PINX1: variants seen among roughly 807,000 people sequenced by gnomAD.
PINX1 encodes PIN2/TERF1-interacting telomerase inhibitor 1.
A neutral mutation model predicts 25.4 loss-of-function variants in PINX1; 34 were observed. That is an observed-to-expected ratio of 1.34 (90% CI 1.02 to 1.78). The LOEUF (loss-of-function observed/expected upper bound fraction) is 1.78, where lower values mean the gene tolerates loss of function less well. Among genes scored for constraint, PINX1 ranks in the 40% most tolerant of loss-of-function variants. PINX1 has a pLI of 0.00. For missense variants in PINX1, 592 were observed against 404.9 expected (o/e 1.46, Z -3.97); for synonymous variants, 197 against 147.7 (o/e 1.33, Z -2.42).
At chr8:10,826,127 C>A in intron 5 of PINX1, 25 bp downstream of exon 5, 3 of 1,287,738 alleles carry the variant, frequency 2.3e-6, no homozygotes, top group Non-Finnish European at 3.3e-6. Flanking sequence ...ATTTCAATAA[C>A]AAGTAAAGAA....
At chr8:10,805,737 T>G (rs111323079) in intron 6 of PINX1, among the ~76,000 whole-genome samples, 10 of 72,766 alleles carry the variant, frequency 1.4e-4, no homozygotes, top group East Asian at 4.3e-4. Context: ...TAGCGCTGAG[T>G]GGGTGACGGA....
At chr8:10,826,851 G>C (rs1018326750) in intron 4 of PINX1, among the ~76,000 whole-genome samples, 3 of 152,270 alleles carry the variant, frequency 2.0e-5, no homozygotes, top group Admixed American at 2.0e-4. Context: ...TGAAGGTACA[G>C]TGGGTACAAA....
chr8:10,838,015 G>A (rs536850593), intron 1 of PINX1, among the ~76,000 whole-genome samples: 1 of 152,314 alleles, frequency 6.6e-6, no homozygotes, highest in African/African-American at 2.4e-5. Context: ...TTCAATCACA[G>A]GCAGCCATCT....
At chr8:10,826,314 AT>A in intron 4 of PINX1, 70 bp from the exon 5 acceptor site, 2 of 812,186 alleles carry the variant, frequency 2.5e-6, no homozygotes, top group Middle Eastern at 3.4e-4. Flanking sequence ...CTAACAGTGG[AT>A]AGTCTTGAAA....
intron 2 of PINX1, chr8:10,833,721 G>A (rs111301070): frequency 1.3e-5 from 2 of 155,450 alleles, no homozygotes; most frequent in Admixed American, 6.8e-5. Context: ...ACTGGGGTGC[G>A]GGAGGCTGGA....
chr8:10,769,454 G>A (rs1302247871), intron 6 of PINX1, among the ~76,000 whole-genome samples: 3 of 152,196 alleles, frequency 2.0e-5, no homozygotes, highest in Non-Finnish European at 4.4e-5. Flanking sequence ...TTGTGGCTTT[G>A]AACTGAGATG....
intron 6 of PINX1, among the ~76,000 whole-genome samples, chr8:10,776,243 T>C (rs1310715914): frequency 1.3e-5 from 2 of 151,944 alleles, no homozygotes; most frequent in Non-Finnish European, 2.9e-5. Context: ...CTGGCCAACA[T>C]GGCAAAACCG....
chr8:10,767,399 G>T (rs13270498), intron 6 of PINX1, among the ~76,000 whole-genome samples: 5,551 of 151,710 alleles, frequency 0.037, 127 homozygotes, highest in South Asian at 0.081. Flanking sequence ...CTTTCACCAA[G>T]GGGTACATTA....
chr8:10,783,814 A>G (rs1801666078), intron 6 of PINX1, among the ~76,000 whole-genome samples: 1 of 152,246 alleles, frequency 6.6e-6, no homozygotes, highest in African/African-American at 2.4e-5. Context: ...ATGAGATATT[A>G]CCCTGAAGGG....
chr8:10,817,579 A>G (rs1268134767), intron 6 of PINX1, among the ~76,000 whole-genome samples: 2 of 152,230 alleles, frequency 1.3e-5, no homozygotes, highest in African/African-American at 2.4e-5. Context: ...ATGTGATTAC[A>G]TTTAAATAGA....
intron 5 of PINX1, among the ~76,000 whole-genome samples, chr8:10,823,665 C>G (rs926805418): frequency 6.6e-6 from 1 of 151,974 alleles, no homozygotes; most frequent in African/African-American, 2.4e-5. Flanking sequence ...TATATCAGAA[C>G]TAAAACGATA....
chr8:10,826,461 G>A (rs927420756), intron 4 of PINX1, among the ~76,000 whole-genome samples: 1 of 152,172 alleles, frequency 6.6e-6, no homozygotes, highest in Non-Finnish European at 1.5e-5. Context: ...TGCATACTAT[G>A]GATCAGGCCA....
At chr8:10,824,536 G>A (rs780311734) in intron 5 of PINX1, among the ~76,000 whole-genome samples, 3 of 152,164 alleles carry the variant, frequency 2.0e-5, no homozygotes, top group African/African-American at 7.2e-5. Flanking sequence ...GACAGAAAAC[G>A]AAGGCACGAG....
At chr8:10,784,473 T>A (rs544589433) in intron 6 of PINX1, among the ~76,000 whole-genome samples, 1 of 152,350 alleles carries the variant, frequency 6.6e-6, no homozygotes, top group South Asian at 2.1e-4. Flanking sequence ...TCCCAAAGTC[T>A]ACTCAACAAT....
intron 6 of PINX1, among the ~76,000 whole-genome samples, chr8:10,815,791 T>C (rs1449472905): frequency 6.6e-6 from 1 of 152,218 alleles, no homozygotes; most frequent in Non-Finnish European, 1.5e-5. Context: ...AGTAAATGAT[T>C]TAACCAATTG....
intron 5 of PINX1, chr8:10,825,260 C>G (rs1236089457): frequency 4.7e-5 from 24 of 506,340 alleles, no homozygotes; most frequent in Non-Finnish European, 9.0e-5. Context: ...CAGCAATGCC[C>G]TGATACGCAT....
At chr8:10,811,296 T>C (rs765069294) in intron 6 of PINX1, among the ~76,000 whole-genome samples, 2 of 152,296 alleles carry the variant, frequency 1.3e-5, no homozygotes, top group Admixed American at 6.5e-5. Flanking sequence ...CACAACACTA[T>C]ATGGCCCTGA....
In PINX1 at chr8:10,766,992, C is replaced by G. The variant is rs546686889; in HGVS notation, c.472-1076G>C. Among the ~76,000 whole-genome samples, 9 of 152,080 alleles carry G rather than the reference C, an allele frequency of 5.9e-5. No homozygotes were observed. In the East Asian group the frequency reaches 1.7e-3, roughly 29 times the overall value. On this transcript the variant is annotated intron_variant, in intron 6 of 6. Coordinates refer to ENST00000314787, the MANE Select transcript of PINX1 (RefSeq NM_017884.6). Reference sequence around the variant, plus strand: ...AGTCAAATCAATGTCTGCAGCAACTCTGCCCACAGAGACTCTGGAAATAAG... The same window carrying G: ...AGTCAAATCAATGTCTGCAGCAACTGTGCCCACAGAGACTCTGGAAATAAG...
chr8:10,787,218 C>G (rs903696074), intron 6 of PINX1, among the ~76,000 whole-genome samples: 3 of 150,564 alleles, frequency 2.0e-5, no homozygotes, highest in African/African-American at 7.3e-5. Context: ...TGCACACACA[C>G]ACACACGTTT....
Sources: allele counts gnomAD v4.1 joint callset (sites outside exome capture counted in the v4.1 genomes callset), GRCh38; gene constraint gnomAD v4.1.1; transcripts MANE v1.5; gene names NCBI Gene and HGNC (gene_info 2026-07-23, HGNC 2026-07-21).